CSMD1: variants seen among roughly 807,000 people sequenced by gnomAD.
CSMD1 encodes the protein CUB and sushi domain-containing protein 1.
A neutral mutation model predicts 417.5 loss-of-function variants in CSMD1; 213 were observed. The observed-to-expected ratio is 0.51, with a 90% CI of 0.46 to 0.57. The LOEUF is 0.57. CSMD1 is among the 20% of genes least tolerant of loss of function. The pLI is 0.00. For missense variants in CSMD1, 6,923 were observed against 4,529.7 expected (o/e 1.53, Z -15.17); for synonymous variants, 2,862 against 1,736.8 (o/e 1.65, Z -16.11).
rs114855795 is a variant in CSMD1 at position 3,230,758 on chromosome 8, C to A, written c.4154-527G>T. On this transcript the variant is annotated intron_variant, in intron 26 of 69. Coordinates refer to ENST00000635120, the MANE Select transcript of CSMD1 (RefSeq NM_033225.6). ...CAGGATCCCATAGGTGACATTGCCA[C>A]GGCAAAATTATTAATAACCCCCTTT... 8.1e-4 allele frequency among the ~76,000 whole-genome samples: 123 copies of A among 152,242 alleles called. 1 individual carries two copies. The highest frequency in any genetic ancestry group is 2.9e-3 in the African/African-American group (120 of 41,552).
At chr8:3,107,674 A>T (rs961538819) in intron 45 of CSMD1, 44 bp downstream of exon 45, 1 of 1,136,180 alleles carries the variant, frequency 8.8e-7, no homozygotes, top group Non-Finnish European at 1.3e-6. Flanking sequence ...GGTGTAAAAA[A>T]ATGTCGTGCT....
chr8:4,374,276 C>T (rs1255985795), intron 3 of CSMD1, among the ~76,000 whole-genome samples: 2 of 152,048 alleles, frequency 1.3e-5, no homozygotes, highest in Non-Finnish European at 2.9e-5. Context: ...TTTAATACAG[C>T]CTACCTACTG....
chr8:4,418,032 G>T (rs781353312), intron 3 of CSMD1, among the ~76,000 whole-genome samples: 1 of 151,852 alleles, frequency 6.6e-6, no homozygotes, highest in East Asian at 1.9e-4. Context: ...ACTCATTTTT[G>T]CAGGAGACCT....
At chr8:4,155,311 G>C (rs182850167) in intron 3 of CSMD1, among the ~76,000 whole-genome samples, 3 of 152,282 alleles carry the variant, frequency 2.0e-5, no homozygotes, top group African/African-American at 7.2e-5. Flanking sequence ...CAGCGTTTGG[G>C]TCTCGCATTA....
chr8:2,953,769 C>A (rs946233229), intron 65 of CSMD1, among the ~76,000 whole-genome samples: 8 of 152,192 alleles, frequency 5.3e-5, no homozygotes, highest in Non-Finnish European at 2.9e-5. Context: ...GCAAAGCATG[C>A]CTAGATGAAT....
chr8:4,323,478 C>G (rs531649139), intron 3 of CSMD1, among the ~76,000 whole-genome samples: 15 of 95,322 alleles, frequency 1.6e-4, no homozygotes, highest in African/African-American at 7.4e-4. Flanking sequence ...CATAATGGGA[C>G]TAGGGCTTTC....
intron 50 of CSMD1, among the ~76,000 whole-genome samples, chr8:3,051,220 G>A (rs961568471): frequency 2.0e-5 from 3 of 152,214 alleles, no homozygotes; most frequent in Non-Finnish European, 4.4e-5. Flanking sequence ...GTGGTAGACT[G>A]CATACAGCAA....
At chr8:3,027,657 C>T (rs1376518493) in intron 51 of CSMD1, among the ~76,000 whole-genome samples, 2 of 152,146 alleles carry the variant, frequency 1.3e-5, no homozygotes, top group Non-Finnish European at 2.9e-5. Flanking sequence ...ATTTAGAAAA[C>T]AAATTTGTGG....
At chr8:4,113,899 A>G (rs1447516138) in intron 3 of CSMD1, among the ~76,000 whole-genome samples, 1 of 152,214 alleles carries the variant, frequency 6.6e-6, no homozygotes, top group East Asian at 1.9e-4. Context: ...GTTGCAGAAG[A>G]AAACTCCGAA....
At chr8:4,184,674 G>C (rs944656667) in intron 3 of CSMD1, among the ~76,000 whole-genome samples, 1 of 152,086 alleles carries the variant, frequency 6.6e-6, no homozygotes, top group Non-Finnish European at 1.5e-5. Flanking sequence ...GACACAAAGA[G>C]GGAAACAACA....
chr8:4,580,558 C>T (rs1035529153), intron 2 of CSMD1, among the ~76,000 whole-genome samples: 4 of 152,248 alleles, frequency 2.6e-5, no homozygotes, highest in Admixed American at 6.5e-5. Context: ...CCATGTCGGG[C>T]GTCTCATGAG....
intron 3 of CSMD1, among the ~76,000 whole-genome samples, chr8:4,088,400 C>T (rs556303656): frequency 6.6e-6 from 1 of 152,210 alleles, no homozygotes; most frequent in Non-Finnish European, 1.5e-5. Context: ...TCGGTAACAC[C>T]TTTTCTCAGG....
At chr8:3,890,691 GC>G (rs1585147965) in intron 5 of CSMD1, among the ~76,000 whole-genome samples, 1 of 151,550 alleles carries the variant, frequency 6.6e-6, no homozygotes, top group African/African-American at 2.4e-5. Flanking sequence ...AATGAGTCCT[GC>G]CCCAGAAAAC....
At chr8:3,595,013 G>A (rs757000777) in intron 8 of CSMD1, among the ~76,000 whole-genome samples, 1 of 152,210 alleles carries the variant, frequency 6.6e-6, no homozygotes, top group Non-Finnish European at 1.5e-5. Context: ...GCCTCTGTGT[G>A]CAGTCTCTCA....
chr8:3,456,903 G>T (rs1816185429), intron 12 of CSMD1, among the ~76,000 whole-genome samples: 1 of 151,980 alleles, frequency 6.6e-6, no homozygotes, highest in Non-Finnish European at 1.5e-5. Flanking sequence ...TGCCCCCCTT[G>T]TATTCTACAC....
chr8:4,672,026 A>G (rs972506209), intron 1 of CSMD1, among the ~76,000 whole-genome samples: 4 of 152,298 alleles, frequency 2.6e-5, no homozygotes, highest in African/African-American at 9.6e-5. Context: ...AGAGCATGAC[A>G]GTGATGACAC....
intron 5 of CSMD1, among the ~76,000 whole-genome samples, chr8:3,995,345 C>G (rs1374112797): frequency 2.6e-5 from 4 of 152,006 alleles, no homozygotes; most frequent in Non-Finnish European, 4.4e-5. Flanking sequence ...CTTCTTTTGA[C>G]TATTATGATA....
chr8:4,900,773 C>G (rs1203155764), intron 1 of CSMD1, among the ~76,000 whole-genome samples: 1 of 152,182 alleles, frequency 6.6e-6, no homozygotes, highest in African/African-American at 2.4e-5. Context: ...CACATTCTCT[C>G]AACAGAATTC....
chr8:4,615,918 C>A (rs992381860), intron 2 of CSMD1, among the ~76,000 whole-genome samples: 1 of 152,106 alleles, frequency 6.6e-6, no homozygotes, highest in Non-Finnish European at 1.5e-5. Context: ...TTTGTTTGTA[C>A]AGTGCCCCTT....
Sources: allele counts gnomAD v4.1 joint callset (sites outside exome capture counted in the v4.1 genomes callset), GRCh38; gene constraint gnomAD v4.1.1; transcripts MANE v1.5; gene names NCBI Gene and HGNC (gene_info 2026-07-23, HGNC 2026-07-21).